Variants in MPZL1 observed in about 807,000 individuals in gnomAD.
MPZL1 encodes myelin protein zero like 1.
MPZL1 carries 16 observed loss-of-function variants against 29.3 expected under a neutral mutation model. The ratio of observed to expected loss-of-function variants is 0.55; its 90% CI spans 0.37 to 0.83. The LOEUF is 0.83. Among genes scored for constraint, MPZL1 ranks in the 40% least tolerant of loss-of-function variants. MPZL1 has a pLI of 0.00. For synonymous variants in MPZL1, 143 were observed against 132.0 expected (o/e 1.08, Z -0.57); for missense variants, 279 against 332.9 (o/e 0.84, Z 1.26).
Position 167,775,259 on chromosome 1 carries a change from G to T in MPZL1, c.606-805G>T, listed in dbSNP as rs542931639. On this transcript the variant is annotated intron_variant, in intron 4 of 5. Transcript: ENST00000359523. ...GTTTGCAGAATGCATGGTATGCTTT[G>T]GTCTTAGTAATGACACTTTAAATGT... 2.0e-5 allele frequency among the ~76,000 whole-genome samples: 3 copies of T among 152,286 alleles called. No individual in the cohort carries two copies. The South Asian group carries it at 6.2e-4, about 32-fold the overall frequency.
At chr1:167,738,257 T>C (rs932310129) in intron 1 of MPZL1, among the ~76,000 whole-genome samples, 6 of 152,156 alleles carry the variant, frequency 3.9e-5, no homozygotes, top group Admixed American at 3.3e-4. Context: ...TTACCTTTTT[T>C]TGATTTAACT....
At chr1:167,763,597 G>A (rs1040266055) in intron 1 of MPZL1, among the ~76,000 whole-genome samples, 3 of 152,118 alleles carry the variant, frequency 2.0e-5, no homozygotes, top group Non-Finnish European at 2.9e-5. Context: ...TCACCATGGA[G>A]AAAACTAGTC....
intron 1 of MPZL1, among the ~76,000 whole-genome samples, chr1:167,742,743 C>A (rs953641889): frequency 2.0e-5 from 3 of 152,090 alleles, no homozygotes; most frequent in African/African-American, 7.2e-5. Flanking sequence ...CCAATGTTCT[C>A]TTCTAGAATT....
At chr1:167,759,521 C>G (rs570319883) in intron 1 of MPZL1, among the ~76,000 whole-genome samples, 1 of 152,320 alleles carries the variant, frequency 6.6e-6, no homozygotes, top group African/African-American at 2.4e-5. Flanking sequence ...TTTACCCACA[C>G]AGGAGAACAC....
intron 1 of MPZL1, among the ~76,000 whole-genome samples, chr1:167,760,602 T>C (rs1366124448): frequency 6.6e-6 from 1 of 152,174 alleles, no homozygotes; most frequent in South Asian, 2.1e-4. Context: ...AGGGTTTTGG[T>C]CTCAGCCACT....
At chr1:167,774,544 A>G (rs1661324316) in intron 4 of MPZL1, 1 of 152,194 alleles carries the variant, frequency 6.6e-6, no homozygotes, top group African/African-American at 2.4e-5. Context: ...GTGTTTTATG[A>G]TTAAATATAG....
chr1:167,785,868 C>A (rs1260938699), intron 5 of MPZL1, among the ~76,000 whole-genome samples: 2 of 152,194 alleles, frequency 1.3e-5, no homozygotes, highest in East Asian at 3.8e-4. Flanking sequence ...TCTTGGCTCA[C>A]TGTAAGCTCC....
chr1:167,743,123 G>GT (rs1660569044), intron 1 of MPZL1, among the ~76,000 whole-genome samples: 2 of 151,848 alleles, frequency 1.3e-5, no homozygotes, highest in South Asian at 4.2e-4. Flanking sequence ...TTTTAGGATT[G>GT]TTTTTTCTAG....
At chr1:167,762,173 G>A (rs1661003520) in intron 1 of MPZL1, among the ~76,000 whole-genome samples, 1 of 152,110 alleles carries the variant, frequency 6.6e-6, no homozygotes, top group African/African-American at 2.4e-5. Flanking sequence ...GTCACAACTG[G>A]AGGCAGAGGA....
chr1:167,765,420 C>A, intron 1 of MPZL1, 163 bp from the exon 2 acceptor site: 1 of 502,576 alleles, frequency 2.0e-6, no homozygotes, highest in Non-Finnish European at 3.5e-6. Context: ...TAGTGCTATT[C>A]TGATTGAACT....
intron 1 of MPZL1, among the ~76,000 whole-genome samples, chr1:167,753,474 G>A (rs1458236318): frequency 2.0e-5 from 3 of 152,114 alleles, no homozygotes; most frequent in East Asian, 1.9e-4. Flanking sequence ...AGGATAACTC[G>A]ACAGTAAACA....
intron 1 of MPZL1, among the ~76,000 whole-genome samples, chr1:167,739,280 T>TATATATATATATATATAC (rs1365578710): frequency 6.5e-5 from 6 of 92,518 alleles, no homozygotes; most frequent in African/African-American, 3.4e-4. Flanking sequence ...TATACATATA[T>TATATATATATATATATAC]ACATATATAT....
intron 1 of MPZL1, among the ~76,000 whole-genome samples, chr1:167,729,383 T>G (rs1314818312): frequency 6.6e-6 from 1 of 152,220 alleles, no homozygotes; most frequent in Admixed American, 6.5e-5. Context: ...ATCATGTGCT[T>G]CTTCCAGATA....
intron 1 of MPZL1, among the ~76,000 whole-genome samples, chr1:167,729,775 T>C (rs1660225398): frequency 6.6e-6 from 1 of 152,358 alleles, no homozygotes; most frequent in South Asian, 2.1e-4. Flanking sequence ...TCTGCTCTCA[T>C]TTATTGAGTG....
rs1398673524 is a variant in MPZL1, at chr1:167,776,132, G to T, written c.674G>T (p.Gly225Val). 6.2e-7 allele frequency: 1 copy of T among 1,612,648 alleles called. No homozygotes were observed. Among genetic ancestry groups the T allele is most frequent in the Non-Finnish European group, 8.5e-7 (1 of 1,179,244 alleles). The change falls in exon 5 of 6, where the codon GGT becomes GTT. Residue 225 changes from glycine (G) to valine (V), a missense_variant. Transcript: ENST00000359523. ...CGGAAGTCCCCCTCCGACACTGAGGGTCTTGTAAAGAGTCTGCCTTCTGGA... is the reference window on the plus strand; with the variant it reads ...CGGAAGTCCCCCTCCGACACTGAGGTTCTTGTAAAGAGTCTGCCTTCTGGA... ...APRKSPSDTE[G>V]LVKSLPSGSH...
intron 5 of MPZL1, among the ~76,000 whole-genome samples, chr1:167,779,390 G>A (rs1179724573): frequency 6.6e-6 from 1 of 151,872 alleles, no homozygotes; most frequent in Non-Finnish European, 1.5e-5. Context: ...TTCGAAACCA[G>A]CCTGGCCAAC....
intron 1 of MPZL1, among the ~76,000 whole-genome samples, chr1:167,729,575 T>C (rs562211514): frequency 1.3e-5 from 2 of 152,296 alleles, no homozygotes; most frequent in East Asian, 3.9e-4. Flanking sequence ...GAAGCATAGA[T>C]AGAGGACTCA....
At chr1:167,763,139 T>TG (rs145745116) in intron 1 of MPZL1, among the ~76,000 whole-genome samples, 24,889 of 152,180 alleles carry the variant, frequency 0.16, 2,360 homozygotes, top group East Asian at 0.35. Context: ...CTTGGACACT[T>TG]GGTCTAATTC....
intron 1 of MPZL1, among the ~76,000 whole-genome samples, chr1:167,723,527 T>G (rs1318539541): frequency 2.0e-5 from 3 of 152,232 alleles, no homozygotes; most frequent in Non-Finnish European, 4.4e-5. Context: ...GTATTTGTGT[T>G]TAATCAAACA....
Sources: allele counts gnomAD v4.1 joint callset (sites outside exome capture counted in the v4.1 genomes callset), GRCh38; gene constraint gnomAD v4.1.1; transcripts MANE v1.5; gene names NCBI Gene and HGNC (gene_info 2026-07-23, HGNC 2026-07-21).